TSC2: variants seen among roughly 807,000 people sequenced by gnomAD.
TSC2 encodes TSC complex subunit 2.
In TSC2, 29 loss-of-function variants were observed where a neutral mutation model predicts 202.2. The observed-to-expected ratio is 0.14, with a 90% CI of 0.11 to 0.20. TSC2 has a LOEUF of 0.20. Ranked by LOEUF, TSC2 falls within the 10% of genes least tolerant of loss-of-function variation. The pLI is 1.00. For missense variants in TSC2, 2,429 were observed against 2,420.0 expected (o/e 1.00, Z -0.08); for synonymous variants, 1,349 against 1,044.0 (o/e 1.29, Z -5.63).
chr16:2,051,555 C>G (rs1596251460), intron 3 of TSC2, among the ~76,000 whole-genome samples: 1 of 152,184 alleles, frequency 6.6e-6, no homozygotes, highest in Admixed American at 6.5e-5. Context: ...TTCCTGATGA[C>G]TTGTGGACAG....
rs2151295505 is a variant in TSC2 at position 2,071,495 on chromosome 16, T to C, written c.1840-15T>C. ...ACGAGCTTGGCTCTGGCTTTCACCA[T>C]CCTCTTCCTGACAGGCCTTTGACTT... On this transcript the variant is annotated splice_polypyrimidine_tract_variant and intron_variant, in intron 17 of 41. Coordinates refer to ENST00000219476, the MANE Select transcript of TSC2 (RefSeq NM_000548.5). The C allele has an allele frequency of 6.2e-7, 1 of 1,613,370 alleles. No individual in the cohort carries two copies.
intron 37 of TSC2, 120 bp downstream of exon 37, chr16:2,086,499 A>G: frequency 6.9e-7 from 1 of 1,456,726 alleles, no homozygotes; most frequent in South Asian, 1.2e-5. Flanking sequence ...CCAGCTCCCC[A>G]CGCCTCAGGT....
At position 2,079,238 on chromosome 16, in the gene TSC2, C is replaced by A. The variant is rs1485665979; in HGVS notation, c.3132-38C>A. 6.2e-7 allele frequency: 1 copy of A among 1,612,936 alleles called. No individual in the cohort carries two copies. On this transcript the variant is annotated intron_variant, in intron 27 of 41. Coordinates refer to ENST00000219476, the MANE Select transcript of TSC2 (RefSeq NM_000548.5). This position sits in a 1 kb window ranked among gnomAD's most constrained non-coding sequence, Gnocchi z 4.6. ...AGGGCTGGGCGGGCCTGCGGGAGCT[C>A]CACGGGCAAGCTGGGTTTCACGCTC...
intron 16 of TSC2, among the ~76,000 whole-genome samples, chr16:2,069,406 TC>T (rs1253849641): frequency 6.6e-6 from 1 of 152,094 alleles, no homozygotes; most frequent in Non-Finnish European, 1.5e-5. Flanking sequence ...AACCTCCGCC[TC>T]CTGGGTTCAA....
At chr16:2,069,633 C>T (rs1031207217) in intron 16 of TSC2, among the ~76,000 whole-genome samples, 25 of 152,312 alleles carry the variant, frequency 1.6e-4, no homozygotes, top group Admixed American at 1.1e-3. Flanking sequence ...GTGCCCACCA[C>T]CACGCCCGGC....
rs149490538 is a variant in TSC2 at position 2,076,508 on chromosome 16, C to A, written c.2760C>A (p.Val920=). 6 of 1,613,442 alleles carry A rather than the reference C, an allele frequency of 3.7e-6. No homozygotes were observed. In the African/African-American group the frequency reaches 8.0e-5, roughly 22 times the overall value. ...PFITKGLRSN[V]LLSFDDTPEK... ...TCTGCCAGGGCCTGCGGTCCAATGT[C>A]CTCTTGTCTTTTGATGACACCCCCG... The change falls in exon 25 of 42, where the codon GTC becomes GTA. Residue 920 remains valine, a synonymous_variant. Transcript: ENST00000219476.
At chr16:2,072,512 C>G (rs2088620280) in intron 20 of TSC2, 149 bp downstream of exon 20, 1 of 1,329,610 alleles carries the variant, frequency 7.5e-7, no homozygotes, top group Non-Finnish European at 1.0e-6. Flanking sequence ...CAGATTGTGC[C>G]TTGGGCAGGG....
rs1555499119 is a variant in TSC2, at chr16:2,057,180, T to C, written c.848+2T>C. ...CATGTGCCACCTCATGGAGGACAGG[T>C]GAGTGTGGTGGGTGGGGCGCAGGGC... is the stretch of plus-strand genomic sequence containing the variant. On this transcript the variant is annotated splice_donor_variant, in intron 9 of 41. Transcript: ENST00000219476. LOFTEE classifies it high-confidence loss of function. The C allele has an allele frequency of 6.4e-7, 1 of 1,551,476 alleles. No individual in the cohort carries two copies. The highest frequency in any genetic ancestry group is 8.7e-7 in the Non-Finnish European group (1 of 1,146,990).
chr16:2,050,876 T>C (rs1405054326), intron 3 of TSC2, among the ~76,000 whole-genome samples: 1 of 151,952 alleles, frequency 6.6e-6, no homozygotes, highest in Admixed American at 6.6e-5. Flanking sequence ...CGTGAGCCAC[T>C]GCGCCCAGCC....
chr16:2,063,919 C>G (rs1268189112), intron 14 of TSC2: 1 of 415,556 alleles, frequency 2.4e-6, no homozygotes, highest in Non-Finnish European at 4.6e-6. Context: ...CACACAGCCA[C>G]ACACACCCTC....
In TSC2 at chr16:2,065,609, G is replaced by A. The variant is rs147072281; in HGVS notation, c.1690G>A (p.Val564Ile). The A allele has an allele frequency of 2.5e-6, 4 of 1,613,592 alleles. No individual in the cohort carries two copies. The highest frequency in any genetic ancestry group is 1.3e-5 in the African/African-American group (1 of 74,900). ...SASLEDVKTA[V>I]LGLLVILQTK... The stretch of plus-strand genomic sequence containing the variant: ...CTCCTTGGAGGATGTGAAGACAGCC[G>A]TCCTGGGGCTTCTGGTCATCCTTCA... Residue 564 changes from valine (V) to isoleucine (I), a missense_variant, in exon 16 of 42, where the codon GTC becomes ATC. Val to Ile is a conservative substitution (Grantham distance 29). Coordinates refer to ENST00000219476, the MANE Select transcript of TSC2 (RefSeq NM_000548.5).
intron 16 of TSC2, 49 bp from the exon 17 acceptor site, chr16:2,070,407 C>T (rs2088103979): frequency 5.6e-6 from 9 of 1,613,002 alleles, no homozygotes; most frequent in African/African-American, 1.3e-5. Flanking sequence ...TGTCTTAGGA[C>T]TGCGTTTTCA....
At chr16:2,061,514 C>T (rs1022135613) in intron 11 of TSC2, 17 of 393,512 alleles carry the variant, frequency 4.3e-5, no homozygotes, top group Non-Finnish European at 8.3e-5. Context: ...TACTCTTGGC[C>T]CTCCTGCCCG....
At chr16:2,076,305 T>C (rs1384265934) in intron 24 of TSC2, 135 bp downstream of exon 24, 8 of 1,560,104 alleles carry the variant, frequency 5.1e-6, no homozygotes, top group Non-Finnish European at 1.7e-6. Context: ...CCTGTGGCGC[T>C]GGGGGCTCTG....
At chr16:2,087,410 C>T (rs908350818) in intron 38 of TSC2, among the ~76,000 whole-genome samples, 10 of 146,208 alleles carry the variant, frequency 6.8e-5, no homozygotes, top group South Asian at 2.3e-4. Context: ...ACCAAAACCC[C>T]GGGGCTGGTA....
At position 2,050,447 on chromosome 16, in the gene TSC2, G is replaced by A. The variant is rs200912369; in HGVS notation, c.186G>A (p.Gly62=). Residue 62 remains glycine, a synonymous_variant, in exon 3 of 42, where the codon GGG becomes GGA. Coordinates refer to ENST00000219476, the MANE Select transcript of TSC2 (RefSeq NM_000548.5). ...TCAACAATCGCATCCGGATGATAGG[G>A]CAGATTTGTGAAGTCGCAAAAACCA... The part of the protein sequence containing the change: ...CGLNNRIRMI[G]QICEVAKTKK... 1.2e-6 allele frequency: 2 copies of A among 1,613,940 alleles called. No homozygotes were observed. The highest frequency in any genetic ancestry group is 1.7e-6 in the Non-Finnish European group (2 of 1,179,952).
At position 2,078,914 on chromosome 16, in the gene TSC2, T is replaced by C. The variant is rs9925571; in HGVS notation, c.2967-118T>C. 17,179 of 1,387,288 alleles carry C rather than the reference T, an allele frequency of 0.012. 1,682 individuals are homozygous for C. In the African/African-American group the frequency reaches 0.21, roughly 17 times the overall value. 85.9% of individuals were successfully genotyped at this position (1,387,288 alleles called of 1,614,324 possible). ...GCTCGCTGGGCCGCCCACGCCCTGT[T>C]GGGGTCTTTCCGAGCGAGGTCCTCA... On this transcript the variant is annotated intron_variant, in intron 26 of 41. Coordinates refer to ENST00000219476, the MANE Select transcript of TSC2 (RefSeq NM_000548.5).
At chr16:2,088,419 T>A in intron 41 of TSC2, 27 bp from the exon 42 acceptor site, 1 of 1,612,660 alleles carries the variant, frequency 6.2e-7, no homozygotes, top group Non-Finnish European at 8.5e-7. Context: ...CTCCCAGACT[T>A]ACTGCCCAAG....
Position 2,057,129 on chromosome 16 carries a change from C to A in TSC2, c.799C>A (p.His267Asn). ...WKLMRNLLGT[H>N]LGHSAIYNMC... The stretch of plus-strand genomic sequence containing the variant: ...GCTGATGCGGAACCTCCTTGGCACC[C>A]ACCTGGGCCACAGCGCCATCTACAA... The change falls in exon 9 of 42, where the codon CAC (histidine) becomes AAC (asparagine). Residue 267 changes from histidine to asparagine, a missense_variant. Coordinates refer to ENST00000219476, the MANE Select transcript of TSC2 (RefSeq NM_000548.5). The A allele has an allele frequency of 6.4e-7, 1 of 1,551,624 alleles. No individual in the cohort carries two copies.
Sources: gnomAD v4.1 joint callset for allele counts (sites outside exome capture counted in the v4.1 genomes callset) on GRCh38, gnomAD v4.1.1 for gene constraint, Gnocchi (gnomAD v3.1) non-coding constraint, MANE v1.5 for transcripts, NCBI Gene and HGNC (gene_info 2026-07-23, HGNC 2026-07-21) for gene names.